The following ABCC4 variants were observed in gnomAD, a reference collection of about 807,000 sequenced individuals.
ABCC4 encodes the protein ATP-binding cassette sub-family C member 4.
A neutral mutation model predicts 168.5 loss-of-function variants in ABCC4; 102 were observed. The observed-to-expected ratio is 0.61, with a 90% confidence interval of 0.52 to 0.71. The LOEUF (loss-of-function observed/expected upper bound fraction) is 0.71. ABCC4 is among the 30% of genes least tolerant of loss of function. The pLI, the probability that ABCC4 is intolerant of heterozygous loss-of-function variation, is 0.00. For synonymous variants in ABCC4, 617 were observed against 590.7 expected (o/e 1.04, Z -0.65); for missense variants, 1,402 against 1,605.8 (o/e 0.87, Z 2.17).
intron 4 of ABCC4, among the ~76,000 whole-genome samples, chr13:95,226,388 CTGA>C (rs1299777930): frequency 6.6e-6 from 1 of 152,118 alleles, no homozygotes; most frequent in African/African-American, 2.4e-5. Context: ...TTCTATCCAT[CTGA>C]CTACTAAAGT....
chr13:95,284,829 G>A (rs766227161), intron 1 of ABCC4, among the ~76,000 whole-genome samples: 11 of 152,178 alleles, frequency 7.2e-5, no homozygotes, highest in East Asian at 1.9e-4. Flanking sequence ...CTGTGTGACC[G>A]TGGGAAATAA....
chr13:95,269,425 CA>C lies in ABCC4; in HGVS notation c.75-21673del, dbSNP rs757748531. ...TGGGTGACACAGCGAGACTCCATCT[CA>C]AAAAAAAAATATATATATATATATA... On this transcript the variant is annotated intron_variant, in intron 1 of 30. Transcript: ENST00000645237. The C allele has an allele frequency of 5.4e-4, 96 of 178,362 alleles. 2 individuals are homozygous for C. The highest frequency in any genetic ancestry group is 1.0e-3 in the South Asian group (16 of 15,834). 11.0% of individuals were successfully genotyped at this position (178,362 alleles called of 1,614,324 possible).
chr13:95,067,404 G>A (rs2033586132), intron 25 of ABCC4, among the ~76,000 whole-genome samples: 1 of 152,108 alleles, frequency 6.6e-6, no homozygotes, highest in East Asian at 1.9e-4. Context: ...AAGAGGGGCT[G>A]GGGCAATCCA....
chr13:95,030,989 G>A (rs9561765), intron 30 of ABCC4, among the ~76,000 whole-genome samples: 9,905 of 152,262 alleles, frequency 0.065, 469 homozygotes, highest in East Asian at 0.26. Context: ...TCAAGAATAC[G>A]TGACTTGGAA....
At chr13:95,143,410 T>G (rs1371396473) in intron 19 of ABCC4, among the ~76,000 whole-genome samples, 1 of 152,216 alleles carries the variant, frequency 6.6e-6, no homozygotes, top group Non-Finnish European at 1.5e-5. Context: ...TCTAGATACA[T>G]TTATAATTAA....
intron 1 of ABCC4, among the ~76,000 whole-genome samples, chr13:95,249,209 G>C (rs939364741): frequency 8.2e-6 from 1 of 121,882 alleles, no homozygotes; most frequent in Non-Finnish European, 1.7e-5. Context: ...GAACAGCAAG[G>C]CTTTGTCTAA....
intron 19 of ABCC4, among the ~76,000 whole-genome samples, chr13:95,136,312 G>A (rs776727877): frequency 2.6e-4 from 40 of 152,074 alleles, no homozygotes; most frequent in Non-Finnish European, 3.5e-4. Flanking sequence ...GCACCACCAC[G>A]CCTGGGTAAT....
In ABCC4 at chr13:95,170,572, T is replaced by G. The variant is rs780559776; in HGVS notation, c.1784A>C (p.Gln595Pro). 4.3e-5 allele frequency: 70 copies of G among 1,612,436 alleles called. No homozygotes were observed. The highest frequency in any genetic ancestry group is 5.8e-5 in the Non-Finnish European group (68 of 1,179,718). ...KITILVTHQL[Q>P]YLKAASQILI... Reference sequence around the variant, plus strand: ...AATCTGACTTGCAGCTTTGAGGTACTGCAACTGATGAGTCACTAAAATTGT... The same window carrying G: ...AATCTGACTTGCAGCTTTGAGGTACGGCAACTGATGAGTCACTAAAATTGT... Residue 595 changes from glutamine (Q) to proline (P), a missense_variant, in exon 14 of 31, where the codon CAG becomes CCG. Gln to Pro is a moderately conservative substitution (Grantham distance 76). This residue lies in a region of ABCC4 where 1,007 missense variants were observed against 1,127.3 expected (regional missense o/e 0.89). Coordinates refer to ENST00000645237, the MANE Select transcript of ABCC4 (RefSeq NM_005845.5).
intron 20 of ABCC4, among the ~76,000 whole-genome samples, chr13:95,091,573 G>GT (rs1271632597): frequency 1.3e-5 from 2 of 151,974 alleles, no homozygotes; most frequent in Non-Finnish European, 2.9e-5. Context: ...GAAAGATACA[G>GT]TTTTTTTCAA....
Position 95,301,433 on chromosome 13 carries a change from C to A in ABCC4, c.-119G>T, listed in dbSNP as rs2041681050. On this transcript the variant is annotated 5_prime_UTR_variant, in exon 1 of 31. Transcript: ENST00000645237. Reference sequence around the variant, plus strand: ...GCTCCGGCCGCCACGCCTGTCCGCTCGGCTGGAGCCTGTGAAGCAGCCGCT... The same window carrying A: ...GCTCCGGCCGCCACGCCTGTCCGCTAGGCTGGAGCCTGTGAAGCAGCCGCT... The A allele has an allele frequency of 3.7e-6, 3 of 808,668 alleles. No homozygotes were observed. Among genetic ancestry groups the A allele is most frequent in the South Asian group, 6.4e-5 (2 of 31,308 alleles). 50.1% of individuals were successfully genotyped at this position (808,668 alleles called of 1,614,324 possible).
At chr13:95,088,050 T>C (rs1170029923) in intron 20 of ABCC4, among the ~76,000 whole-genome samples, 1 of 152,190 alleles carries the variant, frequency 6.6e-6, no homozygotes, top group Non-Finnish European at 1.5e-5. Context: ...CATCCAGCGC[T>C]GGTACCTGTG....
chr13:95,073,923 A>T (rs1194529049), intron 23 of ABCC4, among the ~76,000 whole-genome samples: 1 of 152,222 alleles, frequency 6.6e-6, no homozygotes, highest in African/African-American at 2.4e-5. Flanking sequence ...ATGCTTCAGA[A>T]TAAATTGGTT....
intron 20 of ABCC4, among the ~76,000 whole-genome samples, chr13:95,102,685 T>C (rs960745044): frequency 2.0e-5 from 3 of 150,276 alleles, no homozygotes; most frequent in African/African-American, 7.3e-5. Context: ...AATGGCACAA[T>C]CTTGGTTCAC....
intron 13 of ABCC4, among the ~76,000 whole-genome samples, chr13:95,172,000 G>A (rs1034165243): frequency 1.3e-5 from 2 of 152,156 alleles, no homozygotes; most frequent in African/African-American, 4.8e-5. Flanking sequence ...TCTAAAGGGA[G>A]ATGTTAATGA....
intron 4 of ABCC4, among the ~76,000 whole-genome samples, chr13:95,223,987 T>C (rs1171733745): frequency 6.6e-6 from 1 of 151,892 alleles, no homozygotes; most frequent in Non-Finnish European, 1.5e-5. Context: ...ATATATGTAA[T>C]AGGAGTCCAA....
At chr13:95,286,956 C>CAAAAAA (rs34188007) in intron 1 of ABCC4, among the ~76,000 whole-genome samples, 8 of 118,772 alleles carry the variant, frequency 6.7e-5, no homozygotes, top group Admixed American at 9.5e-5. Flanking sequence ...AACTCTGTCT[C>CAAAAAA]AAAAAAAAAA....
chr13:95,168,103 A>G (rs2037345510), intron 14 of ABCC4, among the ~76,000 whole-genome samples: 2 of 152,048 alleles, frequency 1.3e-5, no homozygotes, highest in South Asian at 2.1e-4. Flanking sequence ...CCTGACCTCA[A>G]GTGATTCCCC....
chr13:95,124,989 C>G (rs2035708014), intron 19 of ABCC4, among the ~76,000 whole-genome samples: 1 of 152,124 alleles, frequency 6.6e-6, no homozygotes, highest in Non-Finnish European at 1.5e-5. Context: ...AGAGTGAACT[C>G]AACACTGTGT....
At chr13:95,091,287 G>A (rs1014260006) in intron 20 of ABCC4, among the ~76,000 whole-genome samples, 4 of 152,066 alleles carry the variant, frequency 2.6e-5, no homozygotes, top group African/African-American at 9.7e-5. Flanking sequence ...AATACAAGAA[G>A]CACAAAGAAC....
Sources: gnomAD v4.1 joint callset for allele counts (sites outside exome capture counted in the v4.1 genomes callset) on GRCh38, gnomAD v4.1.1 for gene constraint, gnomAD v4.1.1 regional missense constraint, MANE v1.5 for transcripts, NCBI Gene and HGNC (gene_info 2026-07-23, HGNC 2026-07-21) for gene names.